Variants in PRKCI observed in about 807,000 individuals in gnomAD.
PRKCI encodes the protein protein kinase C iota, also known as protein kinase C iota type.
In PRKCI, 43 loss-of-function variants were observed where a neutral mutation model predicts 84.0. That is an observed-to-expected ratio of 0.51 (90% CI 0.40 to 0.66). The LOEUF is 0.66. Ranked by LOEUF, PRKCI falls within the 30% of genes least tolerant of loss-of-function variation. The pLI, the probability that PRKCI is intolerant of heterozygous loss-of-function variation, is 0.00. For missense variants in PRKCI, 459 were observed against 745.6 expected (o/e 0.62, Z 4.48); for synonymous variants, 216 against 234.4 (o/e 0.92, Z 0.72).
chr3:170,288,033 C>T (rs560389967), intron 12 of PRKCI, among the ~76,000 whole-genome samples: 18 of 151,354 alleles, frequency 1.2e-4, no homozygotes, highest in African/African-American at 4.1e-4. Flanking sequence ...GATCACAGGT[C>T]AGGAGATTGA....
chr3:170,282,318 CTT>C (rs1734268092), intron 11 of PRKCI, among the ~76,000 whole-genome samples: 1 of 152,108 alleles, frequency 6.6e-6, no homozygotes, highest in Admixed American at 6.6e-5. Context: ...CTAATAAACA[CTT>C]ATTAGTCTTT....
rs1244612068 is a variant in PRKCI, at chr3:170,270,409, T to C, written c.451-12T>C. On this transcript the variant is annotated splice_polypyrimidine_tract_variant and intron_variant, in intron 5 of 17. Transcript: ENST00000295797. ...CTTGGTTAATAAAATATTGTTGAAT[T>C]ACTCTTTTCAGCGTGCTCACTGTGC... The C allele has an allele frequency of 1.3e-6, 2 of 1,585,928 alleles. No homozygotes were observed. Among genetic ancestry groups the C allele is most frequent in the African/African-American group, 2.7e-5 (2 of 74,430 alleles).
At chr3:170,277,427 T>C (rs6786401) in intron 8 of PRKCI, among the ~76,000 whole-genome samples, 12,322 of 151,676 alleles carry the variant, frequency 0.081, 1,200 homozygotes, top group African/African-American at 0.23. Flanking sequence ...AAAAATCAAC[T>C]TGGGCGTGAT....
intron 9 of PRKCI, 43 bp from the exon 10 acceptor site, chr3:170,281,123 G>A (rs1734232368): frequency 6.7e-7 from 1 of 1,487,632 alleles, no homozygotes; most frequent in South Asian, 1.1e-5. Flanking sequence ...ATCATTAATT[G>A]TGATATCAGT....
At chr3:170,287,772 C>T (rs1734430904) in intron 12 of PRKCI, among the ~76,000 whole-genome samples, 3 of 151,512 alleles carry the variant, frequency 2.0e-5, no homozygotes, top group Admixed American at 2.0e-4. Context: ...ATTAGCTGGG[C>T]ATGGTGGCAC....
intron 1 of PRKCI, among the ~76,000 whole-genome samples, chr3:170,230,354 A>G (rs1346518458): frequency 1.3e-5 from 2 of 152,052 alleles, no homozygotes; most frequent in African/African-American, 4.8e-5. Context: ...TTTTTGAGAC[A>G]AGGTCTTGCT....
At chr3:170,255,256 C>A (rs373122232) in intron 2 of PRKCI, among the ~76,000 whole-genome samples, 2 of 151,982 alleles carry the variant, frequency 1.3e-5, no homozygotes, top group East Asian at 3.9e-4. Context: ...GACGAGGTTT[C>A]TCCATGTTAG....
intron 12 of PRKCI, among the ~76,000 whole-genome samples, chr3:170,287,793 C>G (rs1236758426): frequency 6.6e-6 from 1 of 151,024 alleles, no homozygotes; most frequent in African/African-American, 2.4e-5. Flanking sequence ...ACCTGTGGTC[C>G]CAGCTACTCA....
At chr3:170,229,284 C>G (rs746616587) in intron 1 of PRKCI, among the ~76,000 whole-genome samples, 7 of 152,126 alleles carry the variant, frequency 4.6e-5, no homozygotes, top group Admixed American at 2.0e-4. Flanking sequence ...AGACAGACCT[C>G]TTTATAGTTG....
At chr3:170,290,922 G>A (rs1734535046) in intron 12 of PRKCI, among the ~76,000 whole-genome samples, 1 of 152,040 alleles carries the variant, frequency 6.6e-6, no homozygotes, top group Non-Finnish European at 1.5e-5. Context: ...CAGATCATCT[G>A]GTCAGGAGTT....
chr3:170,289,522 G>A (rs576692143), intron 12 of PRKCI, among the ~76,000 whole-genome samples: 1 of 152,154 alleles, frequency 6.6e-6, no homozygotes, highest in South Asian at 2.1e-4. Flanking sequence ...GCCTGTAATC[G>A]CAGCACTTTG....
chr3:170,280,284 G>C lies in PRKCI; in HGVS notation c.763G>C (p.Asp255His), dbSNP rs774168806. 6.2e-7 allele frequency: 1 copy of C among 1,613,232 alleles called. No individual in the cohort carries two copies. Among genetic ancestry groups the C allele is most frequent in the South Asian group, 1.1e-5 (1 of 91,024 alleles). Residue 255 changes from aspartate (D) to histidine (H), a missense_variant, in exon 9 of 18, where the codon GAT (aspartate) becomes CAT (histidine). Physicochemically the swap from Asp to His is moderately conservative, Grantham distance 81 (BLOSUM62 -1). Transcript: ENST00000295797. ...ASSSLGLQDF[D>H]LLRVIGRGSY... ...ATCCAGTCTAGGTCTTCAGGATTTT[G>C]ATTTGCTCCGGGTAATAGGAAGAGG...
intron 16 of PRKCI, 56 bp from the exon 17 acceptor site, chr3:170,298,939 A>G (rs1734754061): frequency 1.8e-6 from 2 of 1,116,196 alleles, no homozygotes; most frequent in Admixed American, 3.4e-5. Context: ...AGAACTGTAG[A>G]GGTGGAGTTT....
At chr3:170,252,512 TA>T (rs1733478688) in intron 2 of PRKCI, among the ~76,000 whole-genome samples, 2 of 152,202 alleles carry the variant, frequency 1.3e-5, no homozygotes, top group African/African-American at 4.8e-5. Context: ...CTCTTTTAGT[TA>T]TTTTTAAATA....
chr3:170,256,847 C>T (rs1733594177), intron 2 of PRKCI, among the ~76,000 whole-genome samples: 1 of 151,984 alleles, frequency 6.6e-6, no homozygotes, highest in South Asian at 2.1e-4. Flanking sequence ...CACTGTATCC[C>T]ATTGGTTTTG....
intron 12 of PRKCI, 82 bp from the exon 13 acceptor site, chr3:170,291,772 T>A: frequency 9.4e-7 from 1 of 1,064,160 alleles, no homozygotes; most frequent in South Asian, 1.3e-5. Context: ...ATGCTGAACT[T>A]ATATGATAGG....
chr3:170,293,228 A>G (rs1734606337), intron 13 of PRKCI, 155 bp from the exon 14 acceptor site: 1 of 569,944 alleles, frequency 1.8e-6, no homozygotes, highest in African/African-American at 1.9e-5. Flanking sequence ...TAAATGAAGC[A>G]TTTCTATAAT....
chr3:170,251,645 C>T (rs1001886345), intron 2 of PRKCI, among the ~76,000 whole-genome samples: 1 of 152,112 alleles, frequency 6.6e-6, no homozygotes, highest in Non-Finnish European at 1.5e-5. Context: ...TGTGGTGGCT[C>T]ACACCTGTAA....
chr3:170,302,799 G>T (rs547856980), intron 17 of PRKCI, among the ~76,000 whole-genome samples: 1 of 151,988 alleles, frequency 6.6e-6, no homozygotes, highest in Non-Finnish European at 1.5e-5. Flanking sequence ...TTTTTTATTC[G>T]CAGTCCTCAG....
Sources: allele counts gnomAD v4.1 joint callset (sites outside exome capture counted in the v4.1 genomes callset), GRCh38; gene constraint gnomAD v4.1.1; transcripts MANE v1.5; gene names NCBI Gene and HGNC (gene_info 2026-07-23, HGNC 2026-07-21).